PLXDC2: variants seen among roughly 807,000 people sequenced by gnomAD.
PLXDC2 encodes the protein plexin domain-containing protein 2.
In PLXDC2, 40 loss-of-function variants were observed where a neutral mutation model predicts 68.9. The ratio of observed to expected loss-of-function variants is 0.58; its 90% CI spans 0.45 to 0.76. The LOEUF is 0.76. Ranked by LOEUF, PLXDC2 falls within the 30% of genes least tolerant of loss-of-function variation. PLXDC2 has a pLI of 0.00. For synonymous variants in PLXDC2, 243 were observed against 234.2 expected, an observed-to-expected ratio of 1.04 and a Z score of -0.34; for missense variants, 644 against 661.9, an observed-to-expected ratio of 0.97 and a Z score of 0.30.
At chr10:20,042,215 C>T (rs1835695332) in intron 2 of PLXDC2, among the ~76,000 whole-genome samples, 1 of 152,164 alleles carries the variant, frequency 6.6e-6, no homozygotes, top group Non-Finnish European at 1.5e-5. Context: ...CTCTTTCTCT[C>T]CTGTTGTTAT....
chr10:19,889,952 G>A (rs980608412), intron 1 of PLXDC2, among the ~76,000 whole-genome samples: 6 of 152,320 alleles, frequency 3.9e-5, no homozygotes, highest in African/African-American at 1.2e-4. Flanking sequence ...CCACTGAGGC[G>A]TAGAGTAGTG....
rs1836151103 is a variant in PLXDC2 at position 20,286,219 on chromosome 10, A to G, written c.*6400A>G. 1 of 152,220 alleles carries G rather than the reference A, an allele frequency of 6.6e-6. No individual in the cohort carries two copies. Among genetic ancestry groups the G allele is most frequent in the Admixed American group, 6.5e-5 (1 of 15,278 alleles). 9.4% of individuals were successfully genotyped at this position (152,220 alleles called of 1,614,324 possible). A position where few individuals can be genotyped will look rare whatever the true frequency, so the allele number is the denominator to read the frequency against. ...GGTTAATTTCCAGCTCACTGTTGAC[A>G]CTGAAAGATTCTGTGTTACTTTAAA... is the stretch of plus-strand genomic sequence containing the variant. On this transcript the variant is annotated 3_prime_UTR_variant, in exon 14 of 14. Transcript: ENST00000377252.
At chr10:19,835,469 A>G (rs1836772502) in intron 1 of PLXDC2, among the ~76,000 whole-genome samples, 1 of 152,188 alleles carries the variant, frequency 6.6e-6, no homozygotes, top group Admixed American at 6.5e-5. Context: ...GCGAGTACTG[A>G]GGTGCTCATG....
intron 2 of PLXDC2, among the ~76,000 whole-genome samples, chr10:20,046,509 A>G (rs995516713): frequency 1.2e-4 from 19 of 152,154 alleles, no homozygotes; most frequent in African/African-American, 4.3e-4. Flanking sequence ...AATCAATTAC[A>G]TATATATCTC....
rs566930308 is a variant in PLXDC2, at chr10:20,281,980, C to T, written c.*2161C>T. ...TGTGTCCCTTAAGTACTACTTAATT[C>T]TCAAGTAGTAATGTTATTCTTATAC... On this transcript the variant is annotated 3_prime_UTR_variant, in exon 14 of 14. Transcript: ENST00000377252. 5.3e-5 allele frequency: 8 copies of T among 152,058 alleles called. No homozygotes were observed. The highest frequency in any genetic ancestry group is 8.8e-5 in the Non-Finnish European group (6 of 68,010). The allele number at this position is 152,058 out of a possible 1,614,324, so 9.4% of individuals were successfully genotyped here. A position where few individuals can be genotyped will look rare whatever the true frequency, so the allele number is the denominator to read the frequency against.
chr10:20,012,332 TTTGGAGAA>T (rs1835132338), intron 2 of PLXDC2, among the ~76,000 whole-genome samples: 1 of 38,134 alleles, frequency 2.6e-5, no homozygotes, highest in Admixed American at 3.5e-4. Flanking sequence ...TTTTTTTTTT[TTTGGAGAA>T]GGAGACTTGC....
chr10:20,064,274 G>A (rs1272903483), intron 3 of PLXDC2, among the ~76,000 whole-genome samples: 1 of 149,598 alleles, frequency 6.7e-6, no homozygotes. Flanking sequence ...AGGCTGGAGT[G>A]CAGTGGTGTG....
intron 7 of PLXDC2, among the ~76,000 whole-genome samples, chr10:20,172,230 GAAAAAAAAA>G (rs571463676): frequency 9.0e-6 from 1 of 110,610 alleles, no homozygotes. Context: ...TTGTGAAAAG[GAAAAAAAAA>G]AAAAAAAAAA....
intron 1 of PLXDC2, among the ~76,000 whole-genome samples, chr10:19,896,149 C>T (rs1479473693): frequency 6.6e-6 from 1 of 152,192 alleles, no homozygotes; most frequent in Non-Finnish European, 1.5e-5. Flanking sequence ...AGAGCTGACT[C>T]AGCCACCAAT....
chr10:20,008,770 A>T (rs1589583076), intron 2 of PLXDC2, among the ~76,000 whole-genome samples: 1 of 152,104 alleles, frequency 6.6e-6, no homozygotes, highest in Non-Finnish European at 1.5e-5. Flanking sequence ...TCACTGAATC[A>T]TAGGGGCAGG....
intron 1 of PLXDC2, among the ~76,000 whole-genome samples, chr10:19,981,293 ATC>A (rs1834545511): frequency 1.3e-5 from 2 of 152,210 alleles, no homozygotes; most frequent in Admixed American, 6.5e-5. Flanking sequence ...GCCTCTCTCA[ATC>A]TCTGTTTCAC....
At chr10:20,067,904 T>C (rs1836241116) in intron 3 of PLXDC2, among the ~76,000 whole-genome samples, 2 of 151,994 alleles carry the variant, frequency 1.3e-5, no homozygotes, top group Admixed American at 6.5e-5. Context: ...CAGAATAAGT[T>C]GCTCATCATC....
intron 2 of PLXDC2, among the ~76,000 whole-genome samples, chr10:20,023,950 T>C (rs1361808842): frequency 2.6e-5 from 4 of 152,124 alleles, no homozygotes; most frequent in Non-Finnish European, 1.5e-5. Context: ...TAAGAACTCT[T>C]ATATCAACTG....
intron 4 of PLXDC2, among the ~76,000 whole-genome samples, chr10:20,094,660 T>G (rs1357091712): frequency 6.6e-6 from 1 of 152,164 alleles, no homozygotes; most frequent in Non-Finnish European, 1.5e-5. Flanking sequence ...TAGTTCATGG[T>G]ATAAGGTTTA....
chr10:20,036,858 G>C (rs958557552), intron 2 of PLXDC2, among the ~76,000 whole-genome samples: 6 of 152,112 alleles, frequency 3.9e-5, no homozygotes, highest in Non-Finnish European at 8.8e-5. Flanking sequence ...CTCCAACTTT[G>C]GGGCCAATCT....
Position 20,289,742 on chromosome 10 carries a change from TG to T in PLXDC2, c.*9925del, listed in dbSNP as rs1308412032. The T allele has an allele frequency of 6.6e-6, 1 of 152,276 alleles. No homozygotes were observed. The highest frequency in any genetic ancestry group is 1.5e-5 in the Non-Finnish European group (1 of 68,086). 9.4% of individuals were successfully genotyped at this position (152,276 alleles called of 1,614,324 possible). The stretch of plus-strand genomic sequence containing the variant: ...CCTGTCAGTGGCATTCCCTGAGCAC[TG>T]GCTCTGTACAACTCAATTATAATTT... On this transcript the variant is annotated 3_prime_UTR_variant, in exon 14 of 14. Coordinates refer to ENST00000377252, the MANE Select transcript of PLXDC2 (RefSeq NM_032812.9).
Position 20,147,773 on chromosome 10 carries a change from T to A in PLXDC2, c.665-11T>A. 1 of 1,482,082 alleles carries A rather than the reference T, an allele frequency of 6.7e-7. No individual in the cohort carries two copies. The highest frequency in any genetic ancestry group is 9.3e-7 in the Non-Finnish European group (1 of 1,075,504). 91.8% of individuals were successfully genotyped at this position (1,482,082 alleles called of 1,614,324 possible). A position where few individuals can be genotyped will look rare whatever the true frequency, so the allele number is the denominator to read the frequency against. ...CTCATTGCATTTCTTCTTTTTTCAA[T>A]GGGTGTATAGGCACAGCACTTGTGG... On this transcript the variant is annotated splice_polypyrimidine_tract_variant and intron_variant, in intron 5 of 13. Transcript: ENST00000377252.
In PLXDC2 at chr10:20,219,074, G is replaced by C. The variant is rs1444916481; in HGVS notation, c.1284G>C (p.Lys428Asn). The part of the protein sequence containing the change: ...PTSLPTEDDT[K>N]IALHLKDNGA... ...GAATTTCTCTTCCAGATGATACCAA[G>C]ATAGCACTACATCTAAAAGATAATG... The change falls in exon 12 of 14, where the codon AAG becomes AAC. Residue 428 changes from lysine to asparagine, a missense_variant. Coordinates refer to ENST00000377252, the MANE Select transcript of PLXDC2 (RefSeq NM_032812.9). 6.2e-7 allele frequency: 1 copy of C among 1,607,754 alleles called. No individual in the cohort carries two copies. The highest frequency in any genetic ancestry group is 8.5e-7 in the Non-Finnish European group (1 of 1,177,152).
At chr10:20,232,988 G>C (rs1384609457) in intron 12 of PLXDC2, among the ~76,000 whole-genome samples, 2 of 151,832 alleles carry the variant, frequency 1.3e-5, no homozygotes, top group Non-Finnish European at 1.5e-5. Flanking sequence ...ATTCTTCCAG[G>C]CTTCTTAAAA....
Sources: gnomAD v4.1 joint callset for allele counts (sites outside exome capture counted in the v4.1 genomes callset) on GRCh38, gnomAD v4.1.1 for gene constraint, MANE v1.5 for transcripts, NCBI Gene and HGNC (gene_info 2026-07-23, HGNC 2026-07-21) for gene names.